Variants in MORC1 observed in about 807,000 individuals in gnomAD.
The protein encoded by MORC1 is MORC family CW-type zinc finger 1.
Under a neutral mutation model 134.9 loss-of-function variants are expected in MORC1, and 59 were observed. That is an observed-to-expected ratio of 0.44 (90% confidence interval 0.35 to 0.54). MORC1 has a LOEUF of 0.54. MORC1 is among the 20% of genes least tolerant of loss of function. The pLI, the probability that MORC1 is intolerant of heterozygous loss-of-function variation, is 0.00. For synonymous variants in MORC1, 395 were observed against 391.7 expected (o/e 1.01, Z -0.10); for missense variants, 947 against 1,134.5 (o/e 0.83, Z 2.37).
intron 20 of MORC1, among the ~76,000 whole-genome samples, chr3:109,000,923 G>A (rs1211886669): frequency 6.6e-6 from 1 of 152,120 alleles, no homozygotes; most frequent in African/African-American, 2.4e-5. Flanking sequence ...TGCCTAGTGT[G>A]TTTATTGGAC....
At chr3:109,006,529 TAA>T (rs1948544403) in intron 18 of MORC1, among the ~76,000 whole-genome samples, 1 of 152,242 alleles carries the variant, frequency 6.6e-6, no homozygotes, top group African/African-American at 2.4e-5. Context: ...ATTAAAATTA[TAA>T]AGAGTTCCAT....
At chr3:109,057,220 G>A in intron 13 of MORC1, 123 bp downstream of exon 13, 1 of 960,188 alleles carries the variant, frequency 1.0e-6, no homozygotes, top group Non-Finnish European at 1.5e-6. Context: ...TCAACAGGAA[G>A]GGTGAACAGA....
intron 26 of MORC1, among the ~76,000 whole-genome samples, chr3:108,966,956 T>C (rs970815676): frequency 6.6e-6 from 1 of 152,210 alleles, no homozygotes; most frequent in Non-Finnish European, 1.5e-5. Context: ...ACTACTACAA[T>C]AGTAGTTATG....
At chr3:108,993,980 A>G (rs1382253081) in intron 21 of MORC1, among the ~76,000 whole-genome samples, 2 of 152,170 alleles carry the variant, frequency 1.3e-5, no homozygotes, top group Non-Finnish European at 2.9e-5. Context: ...TTTTTATAAC[A>G]TACCATGAAG....
At chr3:108,989,859 A>G (rs1200845512) in intron 21 of MORC1, among the ~76,000 whole-genome samples, 2 of 152,264 alleles carry the variant, frequency 1.3e-5, no homozygotes, top group Admixed American at 6.5e-5. Flanking sequence ...AAAAGTTCGA[A>G]GTCCTGCTGA....
At chr3:109,023,202 A>G (rs1307791235) in intron 17 of MORC1, among the ~76,000 whole-genome samples, 1 of 152,226 alleles carries the variant, frequency 6.6e-6, no homozygotes, top group Non-Finnish European at 1.5e-5. Context: ...GAATGCACAA[A>G]CAAAGGCCTG....
intron 22 of MORC1, among the ~76,000 whole-genome samples, chr3:108,985,214 T>C (rs1284644409): frequency 6.6e-6 from 1 of 152,190 alleles, no homozygotes; most frequent in Non-Finnish European, 1.5e-5. Flanking sequence ...AAGTGAACTT[T>C]AAAGCAGGAA....
intron 2 of MORC1, among the ~76,000 whole-genome samples, chr3:109,112,674 C>T (rs1206822303): frequency 6.6e-6 from 1 of 152,216 alleles, no homozygotes; most frequent in African/African-American, 2.4e-5. Context: ...GAGGTTGCTA[C>T]TTCTCCTAAT....
At chr3:109,040,427 G>GGAAGGAAGGAAGGAAGGAAAGAAA (rs1248788787) in intron 14 of MORC1, among the ~76,000 whole-genome samples, 5 of 48,392 alleles carry the variant, frequency 1.0e-4, no homozygotes, top group Admixed American at 2.9e-4. Flanking sequence ...AAGGAAGGAA[G>GGAAGGAAGGAAGGAAGGAAAGAAA]GAAAGAAAGA....
intron 14 of MORC1, among the ~76,000 whole-genome samples, chr3:109,045,878 G>A (rs3804681): frequency 0.42 from 63,717 of 151,790 alleles, 14,042 homozygotes; most frequent in Middle Eastern, 0.55. Flanking sequence ...CCAAATGTCA[G>A]CTTCCTCATT....
intron 24 of MORC1, among the ~76,000 whole-genome samples, chr3:108,971,897 G>T (rs1000006707): frequency 6.6e-6 from 1 of 152,020 alleles, no homozygotes; most frequent in Non-Finnish European, 1.5e-5. Context: ...ACAATGCCTC[G>T]CAATCCATGA....
At chr3:109,060,262 GA>G (rs35431327) in intron 11 of MORC1, among the ~76,000 whole-genome samples, 28,036 of 144,866 alleles carry the variant, frequency 0.19, 3,639 homozygotes, top group East Asian at 0.68. Flanking sequence ...GTTTTTGCAG[GA>G]AAAAAAAAAA....
At chr3:109,076,328 CAG>C (rs1950420413) in intron 8 of MORC1, among the ~76,000 whole-genome samples, 1 of 152,184 alleles carries the variant, frequency 6.6e-6, no homozygotes, top group South Asian at 2.1e-4. Context: ...AGTCAGGAAA[CAG>C]ATACTGGAGA....
chr3:109,027,564 AT>A (rs56210875), intron 17 of MORC1, among the ~76,000 whole-genome samples, 186 bp downstream of exon 17: 214 of 147,542 alleles, frequency 1.5e-3, no homozygotes, highest in Admixed American at 2.0e-3. Context: ...CATATACAGT[AT>A]TTTTTTTTTT....
intron 3 of MORC1, among the ~76,000 whole-genome samples, chr3:109,108,070 T>C (rs1951076270): frequency 6.6e-6 from 1 of 151,960 alleles, no homozygotes; most frequent in Non-Finnish European, 1.5e-5. Context: ...GTGCCTGTAA[T>C]CCCAGCTACT....
chr3:109,068,895 C>A (rs1172128472), intron 9 of MORC1, among the ~76,000 whole-genome samples: 1 of 152,222 alleles, frequency 6.6e-6, no homozygotes, highest in Non-Finnish European at 1.5e-5. Flanking sequence ...GTGGCTCACG[C>A]CTGCAATCCC....
At chr3:109,057,182 A>C (rs1576688699) in intron 13 of MORC1, among the ~76,000 whole-genome samples, 161 bp downstream of exon 13, 1 of 152,208 alleles carries the variant, frequency 6.6e-6, no homozygotes, top group East Asian at 1.9e-4. Context: ...CACTGATACT[A>C]TCAATGAGGC....
At chr3:108,984,178 T>C (rs2593957) in intron 23 of MORC1, among the ~76,000 whole-genome samples, 63,907 of 151,980 alleles carry the variant, frequency 0.42, 14,129 homozygotes, top group Middle Eastern at 0.55. Flanking sequence ...TGGGTCTGAA[T>C]GCCTGGAAAG....
chr3:109,040,431 A>AAGGAAGGAAGGAAGGAAGGAAG (rs1559912646), intron 14 of MORC1, among the ~76,000 whole-genome samples: 2 of 20,912 alleles, frequency 9.6e-5, no homozygotes. Context: ...AAGGAAGGAA[A>AAGGAAGGAAGGAAGGAAGGAAG]GAAAGAAAGA....
Sources: allele counts gnomAD v4.1 joint callset (sites outside exome capture counted in the v4.1 genomes callset), GRCh38; gene constraint gnomAD v4.1.1; transcripts MANE v1.5; gene names NCBI Gene and HGNC (gene_info 2026-07-23, HGNC 2026-07-21).